Variants in FHIT observed in about 807,000 individuals in gnomAD.
FHIT encodes bis(5'-adenosyl)-triphosphatase.
FHIT carries 19 observed loss-of-function variants against 17.9 expected under a neutral mutation model. The observed-to-expected ratio is 1.06, with a 90% CI of 0.74 to 1.56. The LOEUF is 1.56. Among genes scored for constraint, FHIT ranks in the 40% most tolerant of loss-of-function variants. FHIT has a pLI of 0.00. For missense variants in FHIT, 248 were observed against 189.2 expected (o/e 1.31, Z -1.82); for synonymous variants, 81 against 69.7 (o/e 1.16, Z -0.81).
chr3:60,412,461 G>A (rs1702097557), intron 5 of FHIT, among the ~76,000 whole-genome samples: 1 of 151,938 alleles, frequency 6.6e-6, no homozygotes, highest in Non-Finnish European at 1.5e-5. Flanking sequence ...TATTTTTAAT[G>A]TGGCCTCTCT....
At chr3:60,455,781 T>C (rs2032051950) in intron 5 of FHIT, among the ~76,000 whole-genome samples, 1 of 152,064 alleles carries the variant, frequency 6.6e-6, no homozygotes, top group South Asian at 2.1e-4. Context: ...CATGCCCAAA[T>C]GGAGGAAAAT....
At chr3:60,625,375 A>T (rs578168775) in intron 4 of FHIT, among the ~76,000 whole-genome samples, 1 of 152,210 alleles carries the variant, frequency 6.6e-6, no homozygotes, top group African/African-American at 2.4e-5. Context: ...ACTGTTTTCC[A>T]AAGTGGCTAT....
chr3:60,592,557 G>A (rs191678506), intron 4 of FHIT, among the ~76,000 whole-genome samples: 15 of 152,180 alleles, frequency 9.9e-5, no homozygotes, highest in Admixed American at 8.5e-4. Context: ...TATTCTCCTA[G>A]CCCAAGATGG....
chr3:60,984,807 TGTGTGTGTGC>T (rs1261433068), intron 3 of FHIT, among the ~76,000 whole-genome samples: 1 of 151,638 alleles, frequency 6.6e-6, no homozygotes, highest in African/African-American at 2.4e-5. Flanking sequence ...TGTGTGTGTG[TGTGTGTGTGC>T]ATATACATGT....
At chr3:59,982,144 T>G (rs1222233607) in intron 7 of FHIT, among the ~76,000 whole-genome samples, 1 of 152,170 alleles carries the variant, frequency 6.6e-6, no homozygotes, top group Non-Finnish European at 1.5e-5. Context: ...TAGTGATGTA[T>G]GGTCTCTTTT....
At chr3:60,442,361 G>A (rs544933354) in intron 5 of FHIT, among the ~76,000 whole-genome samples, 2 of 152,224 alleles carry the variant, frequency 1.3e-5, no homozygotes, top group Admixed American at 6.6e-5. Flanking sequence ...CCTATGTCCT[G>A]AATGGTATTG....
At position 61,234,792 on chromosome 3, in the gene FHIT, T is replaced by G. The variant is rs557816416; in HGVS notation, c.-213+16509A>C. Among the ~76,000 whole-genome samples the G allele has an allele frequency of 3.3e-5, 5 of 152,334 alleles. No homozygotes were observed. In the South Asian group the frequency reaches 6.2e-4, roughly 19 times the overall value. Reference sequence around the variant, plus strand: ...ATTCATCCACACCAACTTTGTCTAATACCTGCCTGCAGATCCAATGGAGTT... The same window carrying G: ...ATTCATCCACACCAACTTTGTCTAAGACCTGCCTGCAGATCCAATGGAGTT... On this transcript the variant is annotated intron_variant, in intron 1 of 9. Coordinates refer to ENST00000492590, the MANE Select transcript of FHIT (RefSeq NM_002012.4).
intron 7 of FHIT, among the ~76,000 whole-genome samples, chr3:59,993,449 T>C (rs1351530719): frequency 6.6e-6 from 1 of 152,004 alleles, no homozygotes; most frequent in Non-Finnish European, 1.5e-5. Context: ...GCATTTCTCA[T>C]TTAAGAGAGG....
At chr3:60,469,624 A>ATC (rs1486710977) in intron 5 of FHIT, among the ~76,000 whole-genome samples, 1 of 152,008 alleles carries the variant, frequency 6.6e-6, no homozygotes, top group African/African-American at 2.4e-5. Context: ...GAAAGCTCAC[A>ATC]TATCTCTCTC....
At chr3:60,823,501 G>A (rs1356929878) in intron 3 of FHIT, among the ~76,000 whole-genome samples, 3 of 152,126 alleles carry the variant, frequency 2.0e-5, no homozygotes, top group Non-Finnish European at 4.4e-5. Flanking sequence ...GAGACACACG[G>A]GAGAAGGAAC....
chr3:60,330,370 A>C (rs1329096949), intron 5 of FHIT, among the ~76,000 whole-genome samples: 2 of 152,144 alleles, frequency 1.3e-5, no homozygotes, highest in Non-Finnish European at 2.9e-5. Flanking sequence ...TTATAGACAA[A>C]CACCCCATCA....
At chr3:60,955,343 C>T (rs1709064336) in intron 3 of FHIT, among the ~76,000 whole-genome samples, 1 of 151,954 alleles carries the variant, frequency 6.6e-6, no homozygotes, top group Non-Finnish European at 1.5e-5. Context: ...AAGTAGTGTG[C>T]CTCAGTAAGT....
chr3:60,277,681 C>T (rs545923267), intron 5 of FHIT, among the ~76,000 whole-genome samples: 1 of 152,284 alleles, frequency 6.6e-6, no homozygotes, highest in East Asian at 1.9e-4. Context: ...TGCCTATAAA[C>T]TCCAATGCAC....
At chr3:60,754,207 T>C (rs1228698314) in intron 4 of FHIT, among the ~76,000 whole-genome samples, 1 of 152,212 alleles carries the variant, frequency 6.6e-6, no homozygotes, top group Non-Finnish European at 1.5e-5. Context: ...CTTTGCACTC[T>C]TTCTCGGCCC....
chr3:60,592,823 T>A (rs1486109852), intron 4 of FHIT, among the ~76,000 whole-genome samples: 1 of 152,118 alleles, frequency 6.6e-6, no homozygotes, highest in Non-Finnish European at 1.5e-5. Context: ...GAAAGTAGCC[T>A]GAGTCTGGAG....
At chr3:61,133,134 C>G (rs1206570552) in intron 2 of FHIT, among the ~76,000 whole-genome samples, 2 of 152,174 alleles carry the variant, frequency 1.3e-5, no homozygotes, top group African/African-American at 4.8e-5. Flanking sequence ...CGTCTCAAAC[C>G]CCAAGAATAA....
At chr3:60,288,889 C>A (rs139759005) in intron 5 of FHIT, among the ~76,000 whole-genome samples, 3 of 152,028 alleles carry the variant, frequency 2.0e-5, no homozygotes, top group Non-Finnish European at 4.4e-5. Context: ...CATATAATAA[C>A]TGAAATATGA....
intron 4 of FHIT, among the ~76,000 whole-genome samples, chr3:60,636,070 A>ATTT (rs3037240): frequency 0.17 from 25,301 of 146,704 alleles, 2,255 homozygotes; most frequent in South Asian, 0.22. Context: ...TTGTACAATG[A>ATTT]TTTTTTTTTT....
intron 5 of FHIT, among the ~76,000 whole-genome samples, chr3:60,353,872 C>G (rs1343252884): frequency 6.6e-6 from 1 of 152,054 alleles, no homozygotes; most frequent in Non-Finnish European, 1.5e-5. Flanking sequence ...GACATTCATA[C>G]AGTCCTGTTC....
Sources: allele counts gnomAD v4.1 joint callset (sites outside exome capture counted in the v4.1 genomes callset), GRCh38; gene constraint gnomAD v4.1.1; transcripts MANE v1.5; gene names NCBI Gene and HGNC (gene_info 2026-07-23, HGNC 2026-07-21).